Variants in ARL2BP observed in about 807,000 individuals in gnomAD.
ARL2BP encodes ARF like GTPase 2 binding protein.
In ARL2BP, 19 loss-of-function variants were observed where a neutral mutation model predicts 24.2. The observed-to-expected ratio is 0.79, with a 90% CI of 0.55 to 1.15. The LOEUF (loss-of-function observed/expected upper bound fraction) is 1.15. ARL2BP is among the 50% of genes most tolerant of loss of function. The pLI is 0.00. For missense variants in ARL2BP, 160 were observed against 190.4 expected, an observed-to-expected ratio of 0.84 and a Z score of 0.94; for synonymous variants, 56 against 70.5, an observed-to-expected ratio of 0.79 and a Z score of 1.03.
chr16:57,245,498 G>C, intron 1 of ARL2BP, 93 bp downstream of exon 1: 1 of 1,451,282 alleles, frequency 6.9e-7, no homozygotes, highest in Non-Finnish European at 9.4e-7. Context: ...TGTCCTTAGG[G>C]GCCGGGCCGG....
Position 57,249,804 on chromosome 16 carries a change from T to G in ARL2BP, c.245T>G (p.Leu82Arg). ...GAAAAATACATTGAAGAACAGCTGC[T>G]GCAGCGGATTCCTGAGTTCAACATG... ...LVEKYIEEQLLQRIPEFNMAA... is the reference protein window; with the variant it reads ...LVEKYIEEQLRQRIPEFNMAA... Residue 82 changes from leucine (L) to arginine (R), a missense_variant, in exon 4 of 6, where the codon CTG (leucine) becomes CGG (arginine). Transcript: ENST00000219204. The G allele has an allele frequency of 1.2e-6, 2 of 1,614,262 alleles. No individual in the cohort carries two copies. The highest frequency in any genetic ancestry group is 2.2e-5 in the East Asian group (1 of 44,892).
At chr16:57,248,311 C>CAAAAAAAAAAAAAAAAAAAAAA (rs1161528446) in intron 2 of ARL2BP, 46 of 49,174 alleles carry the variant, frequency 9.4e-4, no homozygotes, top group Admixed American at 1.5e-3. Flanking sequence ...AACTCCAGCT[C>CAAAAAAAAAAAAAAAAAAAAAA]AAAAAAAAAA....
chr16:57,252,769 C>G lies in ARL2BP; in HGVS notation c.*502C>G, dbSNP rs1449903056. 1 of 171,888 alleles carries G rather than the reference C, an allele frequency of 5.8e-6. No homozygotes were observed. The highest frequency in any genetic ancestry group is 2.4e-5 in the African/African-American group (1 of 41,860). The allele number at this position is 171,888 out of a possible 1,614,324, so 10.6% of individuals were successfully genotyped here. On this transcript the variant is annotated 3_prime_UTR_variant, in exon 6 of 6. Transcript: ENST00000219204. The stretch of plus-strand genomic sequence containing the variant: ...GCCCAGTTTGAGATTTTGGAGTCTC[C>G]TGTGATCACATCTTGTCTCGGCTGT...
In ARL2BP at chr16:57,245,406, G is replaced by T; in HGVS notation, c.38+1G>T. ...AAGGAGAGAGCTTTGCGCTGTCTTT[G>T]TGAGTAGCTCCTCCAGGGCGCAGGC... is the stretch of plus-strand genomic sequence containing the variant. On this transcript the variant is annotated splice_donor_variant, in intron 1 of 5. Transcript: ENST00000219204. LOFTEE classifies it high-confidence loss of function. The T allele has an allele frequency of 6.2e-7, 1 of 1,606,214 alleles. No homozygotes were observed. Among genetic ancestry groups the T allele is most frequent in the Admixed American group, 1.7e-5 (1 of 58,704 alleles).
intron 5 of ARL2BP, 32 bp downstream of exon 5, chr16:57,250,539 T>C: frequency 6.4e-7 from 1 of 1,564,662 alleles, no homozygotes; most frequent in Non-Finnish European, 8.8e-7. Context: ...TTTAGCCACT[T>C]TGAGCCACTT....
intron 1 of ARL2BP, 61 bp downstream of exon 1, chr16:57,245,466 G>T (rs2075387136): frequency 6.3e-7 from 1 of 1,577,772 alleles, no homozygotes; most frequent in African/African-American, 1.3e-5. Context: ...GTTCGCCCCG[G>T]GGCCTGACCC....
chr16:57,249,649 G>C, intron 3 of ARL2BP, 118 bp from the exon 4 acceptor site: 1 of 774,596 alleles, frequency 1.3e-6, no homozygotes, highest in Non-Finnish European at 2.2e-6. Flanking sequence ...TTGGCACTCA[G>C]TGTAGATTGT....
At position 57,245,479 on chromosome 16, in the gene ARL2BP, T is replaced by A. The variant is rs1188866057; in HGVS notation, c.38+74T>A. The A allele has an allele frequency of 7.7e-6, 12 of 1,561,270 alleles. No homozygotes were observed. The African/African-American group carries it at 1.1e-4, about 14-fold the overall frequency. On this transcript the variant is annotated intron_variant, in intron 1 of 5. Transcript: ENST00000219204. ...GCGTTCGCCCCGGGGCCTGACCCTA[T>A]AAAACAGGTGTCCTTAGGGGCCGGG...
At chr16:57,247,133 C>T (rs750297383) in intron 2 of ARL2BP, among the ~76,000 whole-genome samples, 1 of 152,060 alleles carries the variant, frequency 6.6e-6, no homozygotes, top group Non-Finnish European at 1.5e-5. Flanking sequence ...AATTACTGAC[C>T]AAGTTTTTAT....
Position 57,252,558 on chromosome 16 carries a change from A to T in ARL2BP, c.*291A>T, listed in dbSNP as rs1185920369. The T allele has an allele frequency of 2.3e-6, 1 of 430,400 alleles. No individual in the cohort carries two copies. The allele number at this position is 430,400 out of a possible 1,614,324, so 26.7% of individuals were successfully genotyped here. A position where few individuals can be genotyped will look rare whatever the true frequency, so the allele number is the denominator to read the frequency against. On this transcript the variant is annotated 3_prime_UTR_variant, in exon 6 of 6. Coordinates refer to ENST00000219204, the MANE Select transcript of ARL2BP (RefSeq NM_012106.4). Reference sequence around the variant, plus strand: ...GAGCGAGCCCTATGTCAGGCACTCCACCTGGGGGGCCCTTCCCCAGCATAC... The same window carrying T: ...GAGCGAGCCCTATGTCAGGCACTCCTCCTGGGGGGCCCTTCCCCAGCATAC...
At position 57,249,756 on chromosome 16, in the gene ARL2BP, C is replaced by T; in HGVS notation, c.208-11C>T. Reference sequence around the variant, plus strand: ...AGTATGGTCTCACCAAAATCCTTTCCACTGTTGCAGATTTCTTTGGTAGAA... The same window carrying T: ...AGTATGGTCTCACCAAAATCCTTTCTACTGTTGCAGATTTCTTTGGTAGAA... On this transcript the variant is annotated splice_polypyrimidine_tract_variant and intron_variant, in intron 3 of 5. Transcript: ENST00000219204. The T allele has an allele frequency of 6.2e-7, 1 of 1,612,508 alleles. No individual in the cohort carries two copies. The highest frequency in any genetic ancestry group is 2.2e-5 in the East Asian group (1 of 44,882).
At chr16:57,250,528 A>T (rs1186716356) in intron 5 of ARL2BP, 21 bp downstream of exon 5, 2 of 1,592,432 alleles carry the variant, frequency 1.3e-6, no homozygotes, top group African/African-American at 2.7e-5. Context: ...ACTCCTATTT[A>T]TTTAGCCACT....
chr16:57,246,312 C>T, intron 2 of ARL2BP, 171 bp downstream of exon 2: 1 of 645,454 alleles, frequency 1.5e-6, no homozygotes, highest in Non-Finnish European at 2.7e-6. Flanking sequence ...TAGAAACAAA[C>T]AGCCCAGTAC....
rs2075411570 is a variant in ARL2BP, at chr16:57,252,476, C to T, written c.*209C>T. 4.8e-6 allele frequency: 4 copies of T among 836,150 alleles called. No individual in the cohort carries two copies. The allele number at this position is 836,150 out of a possible 1,614,324, so 51.8% of individuals were successfully genotyped here. ...CTTCTTGTATTCATTAACCATAGTA[C>T]TCCTCCCCACCTCAAGTAGACACCT... is the stretch of plus-strand genomic sequence containing the variant. On this transcript the variant is annotated 3_prime_UTR_variant, in exon 6 of 6. Transcript: ENST00000219204.
intron 2 of ARL2BP, chr16:57,246,404 C>G: frequency 2.5e-6 from 1 of 397,400 alleles, no homozygotes; most frequent in African/African-American, 2.1e-5. Flanking sequence ...GTGTGGCGTT[C>G]TTCGCAAAAC....
At chr16:57,251,898 C>T in intron 5 of ARL2BP, 1 of 357,914 alleles carries the variant, frequency 2.8e-6, no homozygotes, top group South Asian at 3.8e-5. Flanking sequence ...CCAGGAATTC[C>T]AGGCAGCAGT....
chr16:57,250,442 T>C lies in ARL2BP; in HGVS notation c.325T>C (p.Phe109Leu), dbSNP rs1313794380. The change falls in exon 5 of 6, where the codon TTC (phenylalanine) becomes CTC (leucine). Residue 109 changes from phenylalanine to leucine, a missense_variant. Coordinates refer to ENST00000219204, the MANE Select transcript of ARL2BP (RefSeq NM_012106.4). ...HHKDEVAGDI[F>L]DMLLTFTDFL... ...TAAGGATGAAGTGGCTGGTGACATATTCGACATGCTGCTCACCTTCACAGA... is the reference window on the plus strand; with the variant it reads ...TAAGGATGAAGTGGCTGGTGACATACTCGACATGCTGCTCACCTTCACAGA... 1.2e-6 allele frequency: 2 copies of C among 1,614,108 alleles called. No homozygotes were observed. The highest frequency in any genetic ancestry group is 1.7e-6 in the Non-Finnish European group (2 of 1,180,052).
chr16:57,248,515 A>C (rs2075397653), intron 2 of ARL2BP, 22 bp from the exon 3 acceptor site: 1 of 1,460,666 alleles, frequency 6.8e-7, no homozygotes, highest in Non-Finnish European at 9.5e-7. Context: ...AAAAAGAATA[A>C]ATTTTCCCCA....
chr16:57,248,670 AG>A, intron 3 of ARL2BP, 27 bp downstream of exon 3: 4 of 1,359,776 alleles, frequency 2.9e-6, no homozygotes, highest in Non-Finnish European at 3.0e-6. Context: ...GTCTCCTACC[AG>A]GAGGTCAGAG....
Sources: allele counts gnomAD v4.1 joint callset (sites outside exome capture counted in the v4.1 genomes callset), GRCh38; gene constraint gnomAD v4.1.1; transcripts MANE v1.5; gene names NCBI Gene and HGNC (gene_info 2026-07-23, HGNC 2026-07-21).